Variants in ACTR8 observed in about 807,000 individuals in gnomAD.
ACTR8 encodes actin-related protein 8.
ACTR8 carries 70 observed loss-of-function variants against 84.3 expected under a neutral mutation model. That is an observed-to-expected ratio of 0.83 (90% confidence interval 0.68 to 1.01). ACTR8 has a LOEUF of 1.01. Among genes scored for constraint, ACTR8 ranks in the 50% least tolerant of loss-of-function variants. The probability of loss-of-function intolerance (pLI) is 0.00; values close to 1 mark genes in which losing one functional copy is unlikely to be tolerated. For missense variants in ACTR8, 672 were observed against 775.4 expected, an observed-to-expected ratio of 0.87 and a Z score of 1.58; for synonymous variants, 268 against 275.2, an observed-to-expected ratio of 0.97 and a Z score of 0.26.
chr3:53,874,637 T>C (rs1166047337), intron 7 of ACTR8, among the ~76,000 whole-genome samples: 2 of 151,924 alleles, frequency 1.3e-5, no homozygotes, highest in African/African-American at 2.4e-5. Flanking sequence ...GGCACGAGAA[T>C]TGCTTGAACC....
chr3:53,868,863 C>G lies in ACTR8; in HGVS notation c.1732-1G>C. 6.2e-7 allele frequency: 1 copy of G among 1,613,530 alleles called. No individual in the cohort carries two copies. The highest frequency in any genetic ancestry group is 1.1e-5 in the South Asian group (1 of 90,950). On this transcript the variant is annotated splice_acceptor_variant, in intron 12 of 12. Coordinates refer to ENST00000335754, the MANE Select transcript of ACTR8 (RefSeq NM_022899.5). LOFTEE classifies it high-confidence loss of function. ...ATGCAATCAGCCGGGGGTCCATGTC[C>G]TACAGAAGGGATGAAGGCATTTCAG... is the stretch of plus-strand genomic sequence containing the variant.
rs1365419563 is a variant in ACTR8 at position 53,881,964 on chromosome 3, C to G, written c.123+15G>C. ...CAAGCAAGGGCAAAGAGTTCCAACC[C>G]AGCCAGAGCCGCACCTCTTGCAGCG... On this transcript the variant is annotated intron_variant, in intron 1 of 12. Transcript: ENST00000335754. 1 of 1,555,420 alleles carries G rather than the reference C, an allele frequency of 6.4e-7. No homozygotes were observed. The highest frequency in any genetic ancestry group is 8.7e-7 in the Non-Finnish European group (1 of 1,148,766).
intron 1 of ACTR8, among the ~76,000 whole-genome samples, chr3:53,880,544 C>T (rs1280554544): frequency 1.3e-5 from 2 of 152,170 alleles, no homozygotes; most frequent in Non-Finnish European, 2.9e-5. Flanking sequence ...ACATGTAACT[C>T]AGAGCTGGGC....
chr3:53,880,147 A>T, intron 1 of ACTR8, 38 bp from the exon 2 acceptor site: 1 of 1,583,014 alleles, frequency 6.3e-7, no homozygotes, highest in Non-Finnish European at 8.7e-7. Flanking sequence ...CTTTGTAAAT[A>T]ATATGCAGGT....
intron 1 of ACTR8, among the ~76,000 whole-genome samples, chr3:53,880,332 ATTTG>A (rs1700039863): frequency 6.6e-6 from 1 of 152,222 alleles, no homozygotes; most frequent in Non-Finnish European, 1.5e-5. Context: ...CTCAACAAAT[ATTTG>A]TTTAAATAAA....
chr3:53,866,160 C>T (rs1259990989), downstream of ACTR8, among the ~76,000 whole-genome samples: 3 of 152,186 alleles, frequency 2.0e-5, no homozygotes, highest in East Asian at 5.8e-4. Flanking sequence ...TTTGGCAAGG[C>T]CAAGGCAAAA....
downstream of ACTR8, chr3:53,865,533 TAC>T: frequency 2.0e-6 from 1 of 501,358 alleles, no homozygotes; most frequent in South Asian, 3.4e-5. Flanking sequence ...AGAAATCAAT[TAC>T]AGTTTTAATT....
At chr3:53,873,286 T>C in intron 8 of ACTR8, 159 bp from the exon 9 acceptor site, 1 of 461,722 alleles carries the variant, frequency 2.2e-6, no homozygotes. Flanking sequence ...AGGAATTAAG[T>C]TGTACTTTGT....
intron 1 of ACTR8, chr3:53,881,613 C>G (rs1700061375): frequency 2.7e-6 from 1 of 369,578 alleles, no homozygotes; most frequent in Admixed American, 4.4e-5. Flanking sequence ...GTCCTAAACT[C>G]TATCTGCCAC....
At chr3:53,862,985 CTCTTCCTCG>C (rs1699619386), downstream of ACTR8, among the ~76,000 whole-genome samples, 1 of 152,192 alleles carries the variant, frequency 6.6e-6, no homozygotes. Flanking sequence ...CCCCTTCCTC[CTCTTCCTCG>C]TCAGCCTACT....
At position 53,868,983 on chromosome 3, in the gene ACTR8, C is replaced by T. The variant is rs9849610; in HGVS notation, c.1732-121G>A. On this transcript the variant is annotated intron_variant, in intron 12 of 12. Transcript: ENST00000335754. ...AATACCTAGTAAGCCAGGCTTTCAC[C>T]CTGTATTAAAGACAGCAGGATTAAA... 5.4e-4 allele frequency: 735 copies of T among 1,358,848 alleles called. 5 individuals are homozygous for T. The African/African-American group carries it at 9.3e-3, about 17-fold the overall frequency. The allele number at this position is 1,358,848 out of a possible 1,614,324, so 84.2% of individuals were successfully genotyped here. A position where few individuals can be genotyped will look rare whatever the true frequency, so the allele number is the denominator to read the frequency against.
chr3:53,882,150 A>C lies in ACTR8; in HGVS notation c.-49T>G, dbSNP rs1174386989. On this transcript the variant is annotated 5_prime_UTR_variant, in exon 1 of 13. Transcript: ENST00000335754. ...CTCTCGCCTCAGCGCTGCAGCCACG[A>C]CTGCCGGGATGGAAGGGCCACCGCG... The C allele has an allele frequency of 6.5e-7, 1 of 1,543,280 alleles. No individual in the cohort carries two copies. Among genetic ancestry groups the C allele is most frequent in the Admixed American group, 2.0e-5 (1 of 50,606 alleles).
At chr3:53,864,926 T>C (rs377005084), downstream of ACTR8, 19 of 1,614,036 alleles carry the variant, frequency 1.2e-5, no homozygotes, top group African/African-American at 1.9e-4. Context: ...ATAGCAGAGA[T>C]GGGTCCAGTG....
intron 5 of ACTR8, among the ~76,000 whole-genome samples, chr3:53,877,005 T>C (rs1164918692): frequency 1.3e-5 from 2 of 151,414 alleles, no homozygotes; most frequent in African/African-American, 4.9e-5. Flanking sequence ...ATTCGAGTAA[T>C]AGAGACACCA....
At chr3:53,876,782 T>G in intron 5 of ACTR8, 69 bp from the exon 6 acceptor site, 1 of 757,810 alleles carries the variant, frequency 1.3e-6, no homozygotes, top group Non-Finnish European at 2.1e-6. Flanking sequence ...CACTCCTTTT[T>G]AGAGAGACTT....
At chr3:53,873,155 GA>G (rs1559792549) in intron 8 of ACTR8, 28 bp from the exon 9 acceptor site, 31 of 1,527,672 alleles carry the variant, frequency 2.0e-5, no homozygotes, top group Non-Finnish European at 2.8e-5. Flanking sequence ...TGCTGTCAGT[GA>G]ATCAGTAAGA....
chr3:53,860,619 T>C, the ACTR8 span: 1 of 156,196 alleles, frequency 6.4e-6, no homozygotes, highest in Non-Finnish European at 1.4e-5. Flanking sequence ...TCATACACAG[T>C]TGACCCTTGA....
chr3:53,864,593 G>A (rs1699710709), downstream of ACTR8, among the ~76,000 whole-genome samples: 2 of 152,152 alleles, frequency 1.3e-5, no homozygotes, highest in South Asian at 4.1e-4. Flanking sequence ...TGTTCAAAAG[G>A]AACATCAGGA....
chr3:53,869,680 G>C (rs775100110), intron 12 of ACTR8, among the ~76,000 whole-genome samples: 30 of 152,310 alleles, frequency 2.0e-4, no homozygotes, highest in Middle Eastern at 3.4e-3. Context: ...AAATGGAGCT[G>C]TTCTGGCTGG....
Sources: allele counts gnomAD v4.1 joint callset (sites outside exome capture counted in the v4.1 genomes callset), GRCh38; gene constraint gnomAD v4.1.1; transcripts MANE v1.5; gene names NCBI Gene and HGNC (gene_info 2026-07-23, HGNC 2026-07-21).